BRINP1: variants seen among roughly 807,000 people sequenced by gnomAD.
The protein encoded by BRINP1 is BMP/retinoic acid-inducible neural-specific protein 1.
In BRINP1, 17 loss-of-function variants were observed where a neutral mutation model predicts 72.9. The ratio of observed to expected loss-of-function variants is 0.23; its 90% CI spans 0.16 to 0.35. The LOEUF is 0.35. Among genes scored for constraint, BRINP1 ranks in the 10% least tolerant of loss-of-function variants. BRINP1 has a pLI of 1.00. For synonymous variants in BRINP1, 418 were observed against 378.5 expected (o/e 1.10, Z -1.21); for missense variants, 850 against 1,001.6 (o/e 0.85, Z 2.04).
chr9:119,336,531 T>G (rs1831346593), intron 1 of BRINP1, among the ~76,000 whole-genome samples: 1 of 147,588 alleles, frequency 6.8e-6, no homozygotes, highest in Non-Finnish European at 1.5e-5. Flanking sequence ...ATAGAGAGGG[T>G]GGGCTGTGAG....
rs776998355 is a variant in BRINP1, at chr9:119,213,894, A to C, written c.922+25T>G. 1.9e-6 allele frequency: 3 copies of C among 1,580,108 alleles called. No homozygotes were observed. The East Asian group carries it at 6.7e-5, about 35-fold the overall frequency. On this transcript the variant is annotated intron_variant, in intron 6 of 7. Transcript: ENST00000265922. ...AGACTTGGCTCAAGGCCACTCATGC[A>C]GTGGCACTGAGTGAGACTCTCTACC...
chr9:119,345,083 C>T (rs10984496), intron 1 of BRINP1, among the ~76,000 whole-genome samples: 20,489 of 152,112 alleles, frequency 0.13, 1,651 homozygotes, highest in African/African-American at 0.22. Context: ...CAAGTGAAAT[C>T]GAGAGAGCCG....
intron 1 of BRINP1, among the ~76,000 whole-genome samples, chr9:119,356,002 G>A (rs928911629): frequency 2.6e-5 from 4 of 152,046 alleles, no homozygotes; most frequent in African/African-American, 9.7e-5. Flanking sequence ...AAAGATAAGA[G>A]ACAGAAATAG....
At chr9:119,341,438 G>C (rs183500099) in intron 1 of BRINP1, among the ~76,000 whole-genome samples, 6 of 152,140 alleles carry the variant, frequency 3.9e-5, no homozygotes, top group Admixed American at 3.9e-4. Flanking sequence ...ACTTACAATG[G>C]TTTGACTTTG....
intron 2 of BRINP1, among the ~76,000 whole-genome samples, chr9:119,273,757 CT>C (rs1454411925): frequency 7.9e-5 from 12 of 152,270 alleles, no homozygotes; most frequent in African/African-American, 2.9e-4. Flanking sequence ...TAATTATTAT[CT>C]CACTCAACCA....
At chr9:119,351,201 A>G (rs553509033) in intron 1 of BRINP1, among the ~76,000 whole-genome samples, 6 of 152,184 alleles carry the variant, frequency 3.9e-5, no homozygotes, top group South Asian at 2.1e-4. Context: ...TCCATGTAAC[A>G]CATTCAAACT....
At chr9:119,253,289 T>C (rs373875782) in intron 2 of BRINP1, among the ~76,000 whole-genome samples, 17 of 152,234 alleles carry the variant, frequency 1.1e-4, no homozygotes, top group African/African-American at 3.1e-4. Context: ...TGGAAATACA[T>C]ATTAAAGAGA....
intron 1 of BRINP1, among the ~76,000 whole-genome samples, chr9:119,324,714 G>A (rs183113633): frequency 2.9e-4 from 44 of 152,270 alleles, no homozygotes; most frequent in Non-Finnish European, 5.3e-4. Flanking sequence ...GTTAATATGT[G>A]TAAATAATTT....
intron 5 of BRINP1, among the ~76,000 whole-genome samples, chr9:119,228,131 C>G (rs1048505660): frequency 6.6e-6 from 1 of 151,778 alleles, no homozygotes; most frequent in Non-Finnish European, 1.5e-5. Flanking sequence ...CTCCCTCTAC[C>G]CCCTTCTTCA....
chr9:119,229,133 T>C (rs780479380), intron 5 of BRINP1, among the ~76,000 whole-genome samples: 1 of 151,998 alleles, frequency 6.6e-6, no homozygotes, highest in Non-Finnish European at 1.5e-5. Context: ...CTTGCTGTGG[T>C]TTTTGTGGAA....
intron 6 of BRINP1, among the ~76,000 whole-genome samples, chr9:119,209,190 C>T (rs1641466917): frequency 6.6e-6 from 1 of 152,150 alleles, no homozygotes; most frequent in East Asian, 1.9e-4. Flanking sequence ...AAACTTCTGG[C>T]GTCGGAATAC....
intron 3 of BRINP1, among the ~76,000 whole-genome samples, chr9:119,245,742 T>C (rs529130841): frequency 6.6e-6 from 1 of 152,346 alleles, no homozygotes; most frequent in Non-Finnish European, 1.5e-5. Flanking sequence ...AAGCATCTTT[T>C]AGTATTTGAT....
intron 2 of BRINP1, among the ~76,000 whole-genome samples, chr9:119,302,899 C>G (rs577792312): frequency 1.3e-5 from 2 of 152,070 alleles, no homozygotes; most frequent in Admixed American, 6.6e-5. Context: ...ATCTCTCCCC[C>G]ACTACCCTAC....
chr9:119,354,387 G>A (rs573693478), intron 1 of BRINP1, among the ~76,000 whole-genome samples: 73 of 152,140 alleles, frequency 4.8e-4, no homozygotes, highest in Non-Finnish European at 1.0e-3. Flanking sequence ...TGAAGCAAGT[G>A]GAAAACATGG....
chr9:119,307,698 A>G (rs1020199327), intron 2 of BRINP1, among the ~76,000 whole-genome samples: 1 of 152,210 alleles, frequency 6.6e-6, no homozygotes, highest in Admixed American at 6.5e-5. Context: ...CAAGCTGTCA[A>G]ATTTAAGCAG....
intron 2 of BRINP1, among the ~76,000 whole-genome samples, chr9:119,307,973 C>T (rs534257062): frequency 3.1e-4 from 47 of 152,214 alleles, no homozygotes; most frequent in Non-Finnish European, 5.7e-4. Context: ...CCTTTCACTA[C>T]GTACAAGCTG....
At chr9:119,264,961 G>A (rs781467251) in intron 2 of BRINP1, among the ~76,000 whole-genome samples, 8 of 152,044 alleles carry the variant, frequency 5.3e-5, no homozygotes, top group Non-Finnish European at 7.4e-5. Context: ...GTGAGCCACC[G>A]CACCCAGCCA....
intron 1 of BRINP1, among the ~76,000 whole-genome samples, chr9:119,355,495 A>G (rs769498970): frequency 6.6e-5 from 10 of 152,136 alleles, no homozygotes; most frequent in South Asian, 4.2e-4. Flanking sequence ...TTGGGAGGCC[A>G]AGGTGGGCGA....
chr9:119,283,102 G>T (rs911547119), intron 2 of BRINP1: 1 of 984,944 alleles, frequency 1.0e-6, no homozygotes, highest in African/African-American at 1.7e-5. Flanking sequence ...AGTTCACAGA[G>T]CTTGGAGCGT....
Sources: gnomAD v4.1 joint callset for allele counts (sites outside exome capture counted in the v4.1 genomes callset) on GRCh38, gnomAD v4.1.1 for gene constraint, MANE v1.5 for transcripts, NCBI Gene and HGNC (gene_info 2026-07-23, HGNC 2026-07-21) for gene names.